MAN1A1: variants seen among roughly 807,000 people sequenced by gnomAD.
MAN1A1 encodes the protein mannosyl-oligosaccharide 1,2-alpha-mannosidase IA.
A neutral mutation model predicts 70.8 loss-of-function variants in MAN1A1; 29 were observed. The ratio of observed to expected loss-of-function variants is 0.41; its 90% CI spans 0.31 to 0.56. MAN1A1 has a LOEUF of 0.56. Ranked by LOEUF, MAN1A1 falls within the 20% of genes least tolerant of loss-of-function variation. The pLI, the probability that MAN1A1 is intolerant of heterozygous loss-of-function variation, is 0.29. For synonymous variants in MAN1A1, 349 were observed against 330.1 expected (o/e 1.06, Z -0.62); for missense variants, 747 against 841.3 (o/e 0.89, Z 1.39).
At chr6:119,323,307 A>C (rs1773065196) in intron 2 of MAN1A1, among the ~76,000 whole-genome samples, 1 of 152,232 alleles carries the variant, frequency 6.6e-6, no homozygotes, top group Non-Finnish European at 1.5e-5. Context: ...AAAATGATGC[A>C]GTGGTTATCA....
chr6:119,283,979 C>A (rs1197634782), intron 5 of MAN1A1, among the ~76,000 whole-genome samples: 2 of 152,234 alleles, frequency 1.3e-5, no homozygotes, highest in East Asian at 3.9e-4. Flanking sequence ...GGTTTTCTCC[C>A]TGTGTACTGG....
At chr6:119,233,344 A>AT (rs1423459679) in intron 6 of MAN1A1, among the ~76,000 whole-genome samples, 1 of 152,240 alleles carries the variant, frequency 6.6e-6, no homozygotes, top group African/African-American at 2.4e-5. Context: ...ATTAATACAA[A>AT]TAAGAGTGTG....
intron 5 of MAN1A1, among the ~76,000 whole-genome samples, chr6:119,255,404 A>C (rs2114339685): frequency 6.6e-6 from 1 of 152,356 alleles, no homozygotes; most frequent in South Asian, 2.1e-4. Context: ...CTTTGGCTGC[A>C]AATAACTAAA....
rs3734385 is a variant in MAN1A1, at chr6:119,348,712, C to T, written c.354G>A (p.Glu118=). Residue 118 remains glutamate (E), a synonymous_variant, in exon 2 of 13, where the codon GAG becomes GAA. Coordinates refer to ENST00000368468, the MANE Select transcript of MAN1A1 (RefSeq NM_005907.4). ...GAPGDPEAAL[E]DNLARIRENH... ...TTTCGCGGATCCTGGCCAAGTTGTC[C>T]TCCAGGGCGGCCTCCGGGTCCCCGG... The T allele has an allele frequency of 0.054, 86,301 of 1,595,858 alleles. 2,691 individuals carry two copies. The highest frequency in any genetic ancestry group is 0.12 in the Admixed American group (6,962 of 57,768).
intron 5 of MAN1A1, among the ~76,000 whole-genome samples, chr6:119,267,715 C>T (rs1010787950): frequency 6.6e-6 from 1 of 152,204 alleles, no homozygotes; most frequent in African/African-American, 2.4e-5. Context: ...AAAGTAACCA[C>T]ATCCTGGCAT....
intron 6 of MAN1A1, among the ~76,000 whole-genome samples, chr6:119,214,319 A>T (rs1774137138): frequency 6.6e-6 from 1 of 152,134 alleles, no homozygotes; most frequent in African/African-American, 2.4e-5. Flanking sequence ...TCATGCTCTG[A>T]ACTTCTGGTA....
intron 6 of MAN1A1, among the ~76,000 whole-genome samples, chr6:119,210,352 A>C (rs753283811): frequency 6.6e-6 from 1 of 152,176 alleles, no homozygotes; most frequent in African/African-American, 2.4e-5. Context: ...GCTTCAGAGA[A>C]CACCACCAAA....
At chr6:119,227,168 C>T (rs1040573195) in intron 6 of MAN1A1, among the ~76,000 whole-genome samples, 1 of 152,134 alleles carries the variant, frequency 6.6e-6, no homozygotes, top group Non-Finnish European at 1.5e-5. Flanking sequence ...AAAAACTATA[C>T]AGCAGAGTAC....
At chr6:119,242,324 C>G (rs1775035211) in intron 6 of MAN1A1, among the ~76,000 whole-genome samples, 1 of 152,010 alleles carries the variant, frequency 6.6e-6, no homozygotes, top group Admixed American at 6.6e-5. Flanking sequence ...TAGTTTTGAT[C>G]CTATAGGTTG....
intron 2 of MAN1A1, among the ~76,000 whole-genome samples, chr6:119,342,546 C>T (rs959321176): frequency 3.3e-5 from 5 of 152,138 alleles, no homozygotes; most frequent in African/African-American, 7.2e-5. Context: ...AATTTGCAGA[C>T]GGTCACAAAG....
intron 5 of MAN1A1, among the ~76,000 whole-genome samples, chr6:119,287,185 T>A (rs1431160929): frequency 6.6e-6 from 1 of 152,066 alleles, no homozygotes; most frequent in Non-Finnish European, 1.5e-5. Context: ...ATAGTCCATG[T>A]TACTAATTGC....
rs1775459677 is a variant in MAN1A1, at chr6:119,256,411, A to T, written c.898-8057T>A. On this transcript the variant is annotated intron_variant, in intron 5 of 12. Transcript: ENST00000368468. ...AAATGAATGAATAAAATTGTATCTC[A>T]TTATTTTTTTTTTTTTCATGAGAGA... is the stretch of plus-strand genomic sequence containing the variant. Among the ~76,000 whole-genome samples the T allele has an allele frequency of 4.2e-5, 5 of 117,878 alleles. 1 individual carries two copies. The highest frequency in any genetic ancestry group is 3.9e-5 in the Non-Finnish European group (2 of 51,816). The allele number at this position is 117,878 out of a possible 152,430, so 77.3% of individuals were successfully genotyped here. A position where few individuals can be genotyped will look rare whatever the true frequency, so the allele number is the denominator to read the frequency against.
chr6:119,270,214 G>T (rs560734426), intron 5 of MAN1A1, among the ~76,000 whole-genome samples: 1 of 152,176 alleles, frequency 6.6e-6, no homozygotes, highest in East Asian at 1.9e-4. Flanking sequence ...ATTCAAGCCC[G>T]CACTCTGTGT....
chr6:119,189,973 A>C, intron 9 of MAN1A1, 90 bp from the exon 10 acceptor site: 6 of 973,768 alleles, frequency 6.2e-6, no homozygotes, highest in African/African-American at 1.6e-5. Context: ...AAAGAATAGA[A>C]TACACCTGAC....
chr6:119,200,380 C>G (rs1773684233), intron 8 of MAN1A1, among the ~76,000 whole-genome samples: 1 of 152,074 alleles, frequency 6.6e-6, no homozygotes, highest in South Asian at 2.1e-4. Context: ...CCTTCCAGAG[C>G]TACAGACATA....
intron 5 of MAN1A1, among the ~76,000 whole-genome samples, chr6:119,281,113 GA>G (rs1165637106): frequency 6.6e-6 from 1 of 152,204 alleles, no homozygotes; most frequent in Non-Finnish European, 1.5e-5. Context: ...CAGGAGAGGG[GA>G]AACTTTGTAA....
At chr6:119,322,722 T>A (rs1773045498) in intron 2 of MAN1A1, among the ~76,000 whole-genome samples, 1 of 152,232 alleles carries the variant, frequency 6.6e-6, no homozygotes, top group Admixed American at 6.5e-5. Flanking sequence ...GACACTTAAG[T>A]ATTTCCCCAT....
intron 2 of MAN1A1, among the ~76,000 whole-genome samples, chr6:119,336,986 C>T (rs773835885): frequency 3.5e-4 from 53 of 152,066 alleles, no homozygotes; most frequent in Non-Finnish European, 6.6e-4. Context: ...GATATAAACA[C>T]TTTTCAATAA....
chr6:119,285,270 G>C (rs932629377), intron 5 of MAN1A1, among the ~76,000 whole-genome samples: 1 of 151,644 alleles, frequency 6.6e-6, no homozygotes, highest in African/African-American at 2.4e-5. Flanking sequence ...GAGCCACCAT[G>C]TCCGGCCAGA....
Sources: gnomAD v4.1 joint callset for allele counts (sites outside exome capture counted in the v4.1 genomes callset) on GRCh38, gnomAD v4.1.1 for gene constraint, MANE v1.5 for transcripts, NCBI Gene and HGNC (gene_info 2026-07-23, HGNC 2026-07-21) for gene names.